DCC: variants seen among roughly 807,000 people sequenced by gnomAD.
DCC encodes the protein netrin receptor DCC.
A neutral mutation model predicts 172.5 loss-of-function variants in DCC; 58 were observed. The observed-to-expected ratio is 0.34, with a 90% confidence interval of 0.27 to 0.42. DCC has a LOEUF of 0.42. Among genes scored for constraint, DCC ranks in the 10% least tolerant of loss-of-function variants. The pLI, the probability that DCC is intolerant of heterozygous loss-of-function variation, is 1.00. For synonymous variants in DCC, 709 were observed against 644.5 expected (o/e 1.10, Z -1.52); for missense variants, 1,740 against 1,791.0 (o/e 0.97, Z 0.51).
intron 1 of DCC, among the ~76,000 whole-genome samples, chr18:52,506,874 A>G (rs1489695299): frequency 6.6e-6 from 1 of 152,176 alleles, no homozygotes; most frequent in Non-Finnish European, 1.5e-5. Flanking sequence ...TTAAAGTGAC[A>G]GTTGTTACGG....
intron 5 of DCC, among the ~76,000 whole-genome samples, chr18:53,050,682 G>A (rs759469217): frequency 2.6e-5 from 4 of 152,010 alleles, no homozygotes; most frequent in South Asian, 2.1e-4. Context: ...GGACAGAGAC[G>A]TTGGGGTTCT....
intron 5 of DCC, among the ~76,000 whole-genome samples, chr18:52,961,297 TATAAAATAAAA>T (rs1409334046): frequency 6.6e-6 from 1 of 151,986 alleles, no homozygotes; most frequent in Non-Finnish European, 1.5e-5. Flanking sequence ...ATAATAAAAA[TATAAAATAAAA>T]ATAAAATGCA....
At chr18:52,453,771 C>G (rs907659770) in intron 1 of DCC, among the ~76,000 whole-genome samples, 1 of 151,946 alleles carries the variant, frequency 6.6e-6, no homozygotes, top group Non-Finnish European at 1.5e-5. Flanking sequence ...TCATGATAAA[C>G]GGATTTGTCT....
At chr18:52,992,118 G>T (rs1029187469) in intron 5 of DCC, among the ~76,000 whole-genome samples, 30 of 152,264 alleles carry the variant, frequency 2.0e-4, no homozygotes, top group African/African-American at 6.7e-4. Context: ...TCCCCGCCTT[G>T]TCCGCCCTTT....
intron 15 of DCC, among the ~76,000 whole-genome samples, chr18:53,369,002 T>C (rs969519525): frequency 6.6e-6 from 1 of 152,012 alleles, no homozygotes; most frequent in Admixed American, 6.6e-5. Context: ...AGAGATTGCA[T>C]TGAATCTGTA....
At chr18:52,922,577 C>T (rs1306256970) in intron 3 of DCC, among the ~76,000 whole-genome samples, 2 of 152,128 alleles carry the variant, frequency 1.3e-5, no homozygotes, top group Non-Finnish European at 2.9e-5. Context: ...ATTGGCTAAT[C>T]CCACTGAATG....
At chr18:53,319,445 GA>G (rs1183225390) in intron 13 of DCC, among the ~76,000 whole-genome samples, 1 of 151,216 alleles carries the variant, frequency 6.6e-6, no homozygotes, top group Non-Finnish European at 1.5e-5. Context: ...AAAGAAAGAA[GA>G]AAAAAAAGCA....
chr18:53,322,184 C>T (rs774030188), intron 14 of DCC, 27 bp downstream of exon 14: 6 of 1,115,848 alleles, frequency 5.4e-6, no homozygotes, highest in South Asian at 1.2e-5. Flanking sequence ...GTTACTATCA[C>T]TCTGATTATC....
At chr18:53,092,606 G>A (rs2043030326) in intron 7 of DCC, among the ~76,000 whole-genome samples, 1 of 152,130 alleles carries the variant, frequency 6.6e-6, no homozygotes, top group Admixed American at 6.5e-5. Context: ...ACTGTTCTAT[G>A]AGCCTGTTAG....
intron 26 of DCC, among the ~76,000 whole-genome samples, chr18:53,488,262 C>G (rs554328823): frequency 1.3e-5 from 2 of 152,204 alleles, no homozygotes; most frequent in East Asian, 3.9e-4. Context: ...ATAGTCCCAG[C>G]TATTTGGGAG....
At chr18:53,223,707 C>A (rs982781146) in intron 12 of DCC, among the ~76,000 whole-genome samples, 4 of 152,080 alleles carry the variant, frequency 2.6e-5, no homozygotes, top group African/African-American at 9.7e-5. Flanking sequence ...GATGTTGAAC[C>A]ATTCACCCAT....
intron 1 of DCC, among the ~76,000 whole-genome samples, chr18:52,589,704 A>G (rs1568243621): frequency 6.6e-6 from 1 of 152,208 alleles, no homozygotes; most frequent in Non-Finnish European, 1.5e-5. Flanking sequence ...TTTTCTGTTT[A>G]TAGTGCCAAT....
At chr18:53,418,383 T>C (rs770153285) in intron 21 of DCC, among the ~76,000 whole-genome samples, 2 of 152,076 alleles carry the variant, frequency 1.3e-5, no homozygotes, top group Non-Finnish European at 2.9e-5. Flanking sequence ...CCCTCTAAGA[T>C]TGATGAAAAT....
chr18:52,881,373 A>G (rs1223766998), intron 2 of DCC, among the ~76,000 whole-genome samples: 1 of 151,862 alleles, frequency 6.6e-6, no homozygotes, highest in Non-Finnish European at 1.5e-5. Flanking sequence ...AGTTTATCTA[A>G]TTTTGCTTTG....
At chr18:52,751,654 T>A (rs188600610) in intron 1 of DCC, among the ~76,000 whole-genome samples, 1 of 152,310 alleles carries the variant, frequency 6.6e-6, no homozygotes, top group Non-Finnish European at 1.5e-5. Context: ...ATAATCAGAA[T>A]GAAGAGATAG....
At chr18:53,052,632 G>A (rs1013980997) in intron 5 of DCC, among the ~76,000 whole-genome samples, 9 of 152,060 alleles carry the variant, frequency 5.9e-5, no homozygotes, top group East Asian at 1.9e-4. Flanking sequence ...ACCAGGCATG[G>A]TAGGGGAATG....
At chr18:53,527,097 G>A (rs1340483349) in intron 28 of DCC, 84 of 54,682 alleles carry the variant, frequency 1.5e-3, no homozygotes, top group Non-Finnish European at 8.9e-4. Context: ...ATACGTGTGT[G>A]TGTGTGTGTG....
intron 12 of DCC, among the ~76,000 whole-genome samples, chr18:53,226,072 G>A (rs893320157): frequency 2.0e-5 from 3 of 152,134 alleles, no homozygotes; most frequent in Non-Finnish European, 4.4e-5. Flanking sequence ...AGAGAGATGA[G>A]ATAATATGCC....
At chr18:53,209,053 C>A (rs1161208980) in intron 11 of DCC, among the ~76,000 whole-genome samples, 1 of 152,166 alleles carries the variant, frequency 6.6e-6, no homozygotes, top group Non-Finnish European at 1.5e-5. Flanking sequence ...CCTGCCGAAG[C>A]CTCCCGAGTA....
Sources: allele counts gnomAD v4.1 joint callset (sites outside exome capture counted in the v4.1 genomes callset), GRCh38; gene constraint gnomAD v4.1.1; transcripts MANE v1.5; gene names NCBI Gene and HGNC (gene_info 2026-07-23, HGNC 2026-07-21).